TEX9: variants seen among roughly 807,000 people sequenced by gnomAD.
The protein encoded by TEX9 is testis expressed 9.
Under a neutral mutation model 59.6 loss-of-function variants are expected in TEX9, and 74 were observed. That is an observed-to-expected ratio of 1.24 (90% CI 1.03 to 1.51). TEX9 has a LOEUF of 1.51. Among genes scored for constraint, TEX9 ranks in the 40% most tolerant of loss-of-function variants. The pLI is 0.00. For missense variants in TEX9, 522 were observed against 447.8 expected, an observed-to-expected ratio of 1.17 and a Z score of -1.49; for synonymous variants, 186 against 152.2, an observed-to-expected ratio of 1.22 and a Z score of -1.64.
intron 1 of TEX9, among the ~76,000 whole-genome samples, chr15:56,338,392 A>G (rs1246349832): frequency 6.6e-6 from 1 of 152,204 alleles, no homozygotes; most frequent in African/African-American, 2.4e-5. Flanking sequence ...CCACCTGTCT[A>G]TCAGACCTGC....
chr15:56,299,818 A>G (rs1185810699), intron 1 of TEX9, among the ~76,000 whole-genome samples: 1 of 152,054 alleles, frequency 6.6e-6, no homozygotes, highest in Non-Finnish European at 1.5e-5. Flanking sequence ...TTCTGAAGGA[A>G]AGGACCCAGT....
intron 1 of TEX9, among the ~76,000 whole-genome samples, chr15:56,259,109 C>T (rs2044209246): frequency 6.6e-6 from 1 of 151,948 alleles, no homozygotes; most frequent in Middle Eastern, 3.2e-3. Context: ...TAAGAAATCA[C>T]TGCCTACCCA....
chr15:56,403,604 C>CT (rs2048914476), intron 9 of TEX9, among the ~76,000 whole-genome samples: 2 of 152,378 alleles, frequency 1.3e-5, no homozygotes, highest in South Asian at 4.1e-4. Context: ...CTACCAATGA[C>CT]TTTCTTCACA....
chr15:56,257,887 T>C (rs1567064191), intron 1 of TEX9, among the ~76,000 whole-genome samples: 1 of 152,186 alleles, frequency 6.6e-6, no homozygotes, highest in African/African-American at 2.4e-5. Context: ...TGATTGGTAT[T>C]GCCTAGGTTT....
intron 1 of TEX9, among the ~76,000 whole-genome samples, chr15:56,272,941 T>TG (rs1213680641): frequency 6.9e-6 from 1 of 145,422 alleles, no homozygotes; most frequent in African/African-American, 2.6e-5. Context: ...TTTATTTATT[T>TG]TTTTTGTTGT....
chr15:56,430,362 A>ACATCCAGTTAACTTTTTAT (rs2050552127), intron 12 of TEX9, among the ~76,000 whole-genome samples: 2 of 152,074 alleles, frequency 1.3e-5, no homozygotes, highest in African/African-American at 4.8e-5. Context: ...GTGCATCACC[A>ACATCCAGTTAACTTTTTAT]CATCCAGTTA....
At chr15:56,328,967 T>C (rs1286674702) in intron 1 of TEX9, among the ~76,000 whole-genome samples, 1 of 152,092 alleles carries the variant, frequency 6.6e-6, no homozygotes, top group Non-Finnish European at 1.5e-5. Context: ...ACAATGGCCC[T>C]TGGGCGAGAT....
intron 1 of TEX9, among the ~76,000 whole-genome samples, chr15:56,337,689 C>T (rs187774081): frequency 1.3e-5 from 2 of 152,306 alleles, no homozygotes; most frequent in Admixed American, 1.3e-4. Flanking sequence ...GTCTAACACC[C>T]TTTTCAATTG....
intron 1 of TEX9, among the ~76,000 whole-genome samples, chr15:56,252,815 A>G (rs1596043364): frequency 1.3e-5 from 2 of 152,232 alleles, no homozygotes; most frequent in South Asian, 2.1e-4. Context: ...ATCTCAGGCA[A>G]GTTCTTTGCT....
chr15:56,257,670 C>G (rs537664162), intron 1 of TEX9, among the ~76,000 whole-genome samples: 5 of 151,852 alleles, frequency 3.3e-5, no homozygotes, highest in South Asian at 2.1e-4. Flanking sequence ...GTTTAAGTTC[C>G]TTGTAGATGT....
chr15:56,286,110 G>A (rs530404948), intron 1 of TEX9, among the ~76,000 whole-genome samples: 10 of 152,212 alleles, frequency 6.6e-5, no homozygotes, highest in African/African-American at 9.6e-5. Context: ...AATCTATGGC[G>A]TTTTCATCTC....
At chr15:56,434,370 T>C in intron 12 of TEX9, 2 of 1,612,264 alleles carry the variant, frequency 1.2e-6, no homozygotes, top group Non-Finnish European at 1.7e-6. Context: ...CTCTTTTTGC[T>C]TTCTCAATTT....
chr15:56,309,445 T>C (rs1360023448), intron 1 of TEX9, among the ~76,000 whole-genome samples: 2 of 152,170 alleles, frequency 1.3e-5, no homozygotes, highest in African/African-American at 2.4e-5. Flanking sequence ...TTTATATGGC[T>C]GGATGTGGTT....
intron 12 of TEX9, chr15:56,431,341 G>A: frequency 5.6e-6 from 9 of 1,604,420 alleles, no homozygotes; most frequent in African/African-American, 1.3e-5. Context: ...TACAGGTCAT[G>A]AAGATTACAA....
the TEX9 span, chr15:56,456,572 T>C: frequency 6.3e-7 from 1 of 1,578,958 alleles, no homozygotes; most frequent in Non-Finnish European, 8.6e-7. Flanking sequence ...CAGATTTTTT[T>C]CATCAAGGTT....
intron 7 of TEX9, chr15:56,393,916 C>A (rs542680541): frequency 1.9e-4 from 56 of 299,902 alleles, no homozygotes; most frequent in Non-Finnish European, 2.9e-4. Context: ...TTGGACCACC[C>A]TGGTGCGTGT....
At chr15:56,432,267 T>G (rs766378744) in intron 12 of TEX9, among the ~76,000 whole-genome samples, 1 of 152,182 alleles carries the variant, frequency 6.6e-6, no homozygotes, top group Admixed American at 6.5e-5. Context: ...AAGAAAAATT[T>G]ATAGTAAATT....
intron 3 of TEX9, among the ~76,000 whole-genome samples, chr15:56,380,495 C>G (rs1263116910): frequency 6.6e-6 from 1 of 152,194 alleles, no homozygotes; most frequent in East Asian, 1.9e-4. Context: ...TGTATGTTTA[C>G]TATTACCAGT....
chr15:56,388,615 C>A, intron 5 of TEX9, 95 bp downstream of exon 5: 1 of 1,021,256 alleles, frequency 9.8e-7, no homozygotes, highest in Non-Finnish European at 1.5e-6. Context: ...AGGGGTATGA[C>A]TCAACAGAAA....
Sources: gnomAD v4.1 joint callset for allele counts (sites outside exome capture counted in the v4.1 genomes callset) on GRCh38, gnomAD v4.1.1 for gene constraint, MANE v1.5 for transcripts, NCBI Gene and HGNC (gene_info 2026-07-23, HGNC 2026-07-21) for gene names.